The following PEAK1 variants were observed in gnomAD, a reference collection of about 807,000 sequenced individuals.
PEAK1 encodes pseudopodium enriched atypical kinase 1.
In PEAK1, 54 loss-of-function variants were observed where a neutral mutation model predicts 124.7. The ratio of observed to expected loss-of-function variants is 0.43; its 90% CI spans 0.35 to 0.54. PEAK1 has a LOEUF of 0.54. PEAK1 is among the 20% of genes least tolerant of loss of function. The probability of loss-of-function intolerance (pLI) is 0.01; values close to 1 mark genes in which losing one functional copy is unlikely to be tolerated. For synonymous variants in PEAK1, 719 were observed against 760.0 expected, an observed-to-expected ratio of 0.95 and a Z score of 0.89; for missense variants, 2,046 against 2,134.5, an observed-to-expected ratio of 0.96 and a Z score of 0.82.
intron 6 of PEAK1, among the ~76,000 whole-genome samples, chr15:77,182,695 T>C (rs2057339640): frequency 7.0e-6 from 1 of 141,986 alleles, no homozygotes; most frequent in African/African-American, 2.7e-5. Flanking sequence ...GAGGTTGCAG[T>C]GAGCAGATTG....
chr15:77,156,727 A>G (rs536641341), intron 8 of PEAK1: 2 of 152,348 alleles, frequency 1.3e-5, no homozygotes, highest in East Asian at 1.9e-4. Context: ...GTAAAAATTA[A>G]ATATTTTACT....
chr15:77,140,776 C>G (rs1294198683), intron 8 of PEAK1, among the ~76,000 whole-genome samples: 1 of 151,480 alleles, frequency 6.6e-6, no homozygotes, highest in East Asian at 1.9e-4. Flanking sequence ...CCTTTGTCAC[C>G]CAGGCTGGAG....
Position 77,133,616 on chromosome 15 carries a change from G to C in PEAK1, c.3466C>G (p.Pro1156Ala), listed in dbSNP as rs1353037562. The C allele has an allele frequency of 7.4e-6, 12 of 1,614,116 alleles. No homozygotes were observed. Among genetic ancestry groups the C allele is most frequent in the Non-Finnish European group, 1.0e-5 (12 of 1,180,024 alleles). The part of the protein sequence containing the change: ...NASQPTPPPL[P>A]KKMIIRANTE... Reference sequence around the variant, plus strand: ...TTGGCTCTTATGATCATCTTCTTTGGCAGTGGGGGTGGTGTAGGTTGGGAA... The same window carrying C: ...TTGGCTCTTATGATCATCTTCTTTGCCAGTGGGGGTGGTGTAGGTTGGGAA... The change falls in exon 9 of 10, where the codon CCA (proline) becomes GCA (alanine). Residue 1156 changes from proline to alanine, a missense_variant. Physicochemically the swap from Pro to Ala is conservative, Grantham distance 27. Transcript: ENST00000682557. This position sits in a 1 kb window ranked among gnomAD's most constrained non-coding sequence, Gnocchi z 4.2.
intron 1 of PEAK1, among the ~76,000 whole-genome samples, chr15:77,405,014 T>G (rs1487133089): frequency 2.6e-5 from 4 of 151,550 alleles, no homozygotes; most frequent in East Asian, 1.9e-4. Context: ...GTTTTTTGTT[T>G]TTTTTTTTTT....
chr15:77,342,793 T>C (rs2066626104), intron 2 of PEAK1, among the ~76,000 whole-genome samples: 1 of 152,204 alleles, frequency 6.6e-6, no homozygotes, highest in South Asian at 2.1e-4. Flanking sequence ...ACAGGATTTC[T>C]TTCCTTTCTA....
intron 6 of PEAK1, among the ~76,000 whole-genome samples, chr15:77,215,355 A>G (rs2152868903): frequency 6.6e-6 from 1 of 152,324 alleles, no homozygotes; most frequent in East Asian, 1.9e-4. Context: ...TGTCTTTCGA[A>G]AAGCTAGTTC....
At chr15:77,418,457 G>C (rs2073068788) in intron 1 of PEAK1, 2 of 985,136 alleles carry the variant, frequency 2.0e-6, no homozygotes, top group Admixed American at 6.2e-5. Flanking sequence ...TTTTCACATA[G>C]TTTGTGAGTT....
chr15:77,189,016 C>T (rs2057692870), intron 6 of PEAK1, among the ~76,000 whole-genome samples: 3 of 152,024 alleles, frequency 2.0e-5, no homozygotes, highest in Non-Finnish European at 2.9e-5. Flanking sequence ...GCCTGGCCAA[C>T]ATGGTGAAAC....
In PEAK1 at chr15:77,193,803, T is replaced by TAACTAAACTAAACTA. The variant is rs56866442; in HGVS notation, c.-114-11778_-114-11764dup. 4.4e-3 allele frequency among the ~76,000 whole-genome samples: 637 copies of TAACTAAACTAAACTA among 146,174 alleles called. 6 individuals carry two copies. The highest frequency in any genetic ancestry group is 0.01 in the Middle Eastern group (3 of 294). ...TGGGTGACAGAGTGAGACTCTATCT[T>TAACTAAACTAAACTA]AACTAAACTAAACTAAACTAAACTA... On this transcript the variant is annotated intron_variant, in intron 6 of 9. Transcript: ENST00000682557.
Position 77,180,951 on chromosome 15 carries a change from C to G in PEAK1, c.976G>C (p.Val326Leu). The change falls in exon 7 of 10, where the codon GTC (valine) becomes CTC (leucine). Residue 326 changes from valine to leucine, a missense_variant. Coordinates refer to ENST00000682557, the MANE Select transcript of PEAK1 (RefSeq NM_001385026.1). ...TGAATGCTTCCTTGTCCATAAGAGA[C>G]CACAGAATTTTCCTCATAACCATTC... The part of the protein sequence containing the change: ...ILNGYEENSV[V>L]SYGQGSIQSM... 6.2e-7 allele frequency: 1 copy of G among 1,614,104 alleles called. No individual in the cohort carries two copies. The highest frequency in any genetic ancestry group is 1.1e-5 in the South Asian group (1 of 91,078).
rs149790455 is a variant in PEAK1, at chr15:77,296,050, G to C, written c.-602-9546C>G. On this transcript the variant is annotated intron_variant, in intron 2 of 9. Coordinates refer to ENST00000682557, the MANE Select transcript of PEAK1 (RefSeq NM_001385026.1). ...TTTAACTTTGTAGATGGAAAAGGAA[G>C]TGTATTAATTTAAAGATTCACTGCT... 4.8e-3 allele frequency among the ~76,000 whole-genome samples: 728 copies of C among 152,298 alleles called. 4 individuals are homozygous for C. Among genetic ancestry groups the C allele is most frequent in the African/African-American group, 0.016 (674 of 41,562 alleles).
intron 3 of PEAK1, among the ~76,000 whole-genome samples, chr15:77,285,338 A>G (rs2062869715): frequency 6.6e-6 from 1 of 152,198 alleles, no homozygotes; most frequent in Non-Finnish European, 1.5e-5. Context: ...CTAATCTTCC[A>G]AACTTTTGAG....
chr15:77,373,531 G>A (rs575606644), intron 1 of PEAK1, among the ~76,000 whole-genome samples: 1 of 152,228 alleles, frequency 6.6e-6, no homozygotes, highest in African/African-American at 2.4e-5. Context: ...ACATAGTCTG[G>A]TAACGTGTCA....
chr15:77,402,766 A>C (rs1448082095), intron 1 of PEAK1: 3 of 985,314 alleles, frequency 3.0e-6, no homozygotes, highest in Non-Finnish European at 3.6e-6. Context: ...TTCATACTGC[A>C]CATGCCATTT....
At chr15:77,135,064 T>A (rs1435462075) in intron 8 of PEAK1, among the ~76,000 whole-genome samples, 1 of 152,146 alleles carries the variant, frequency 6.6e-6, no homozygotes, top group Non-Finnish European at 1.5e-5. Flanking sequence ...AAGAAAGGAA[T>A]CTACCCACTG....
chr15:77,174,584 A>G (rs1027141818), intron 7 of PEAK1, among the ~76,000 whole-genome samples: 28 of 152,236 alleles, frequency 1.8e-4, no homozygotes, highest in Non-Finnish European at 1.5e-4. Flanking sequence ...AAAAAGTTAA[A>G]AAAAGCTACT....
chr15:77,402,888 A>G (rs912863132), intron 1 of PEAK1: 3 of 985,308 alleles, frequency 3.0e-6, no homozygotes, highest in South Asian at 9.4e-5. Flanking sequence ...CAGATGACTC[A>G]GTGAGTGGGC....
intron 6 of PEAK1, among the ~76,000 whole-genome samples, chr15:77,185,328 G>C (rs1180596290): frequency 6.6e-6 from 1 of 152,146 alleles, no homozygotes; most frequent in African/African-American, 2.4e-5. Flanking sequence ...GGAATTACTA[G>C]TATAGAGATA....
At chr15:77,418,252 T>C (rs1256628137) in intron 1 of PEAK1, 2 of 985,282 alleles carry the variant, frequency 2.0e-6, no homozygotes, top group Non-Finnish European at 2.4e-6. Flanking sequence ...CAGCCACACA[T>C]AAATTTTAGC....
Sources: gnomAD v4.1 joint callset for allele counts (sites outside exome capture counted in the v4.1 genomes callset) on GRCh38, gnomAD v4.1.1 for gene constraint, Gnocchi (gnomAD v3.1) non-coding constraint, MANE v1.5 for transcripts, NCBI Gene and HGNC (gene_info 2026-07-23, HGNC 2026-07-21) for gene names.